Variants in GABRA2 observed in about 807,000 individuals in gnomAD.
The protein encoded by GABRA2 is gamma-aminobutyric acid type A receptor subunit alpha2, also known as gamma-aminobutyric acid receptor subunit alpha-2.
A neutral mutation model predicts 48.7 loss-of-function variants in GABRA2; 16 were observed. That is an observed-to-expected ratio of 0.33 (90% CI 0.22 to 0.50). The LOEUF (loss-of-function observed/expected upper bound fraction) is 0.50. GABRA2 is among the 20% of genes least tolerant of loss of function. The probability of loss-of-function intolerance (pLI) is 0.98; values close to 1 mark genes in which losing one functional copy is unlikely to be tolerated. For synonymous variants in GABRA2, 185 were observed against 184.5 expected, an observed-to-expected ratio of 1.00 and a Z score of -0.02; for missense variants, 275 against 535.6, an observed-to-expected ratio of 0.51 and a Z score of 4.80.
At chr4:46,372,170 C>A (rs1242101833) in intron 3 of GABRA2, among the ~76,000 whole-genome samples, 2 of 152,150 alleles carry the variant, frequency 1.3e-5, no homozygotes, top group African/African-American at 4.8e-5. Context: ...ACAGACATTG[C>A]CAGTAGCTTA....
At position 46,368,900 on chromosome 4, in the gene GABRA2, C is replaced by T. The variant is rs1350853321; in HGVS notation, c.187+17174G>A. The T allele has an allele frequency of 4.7e-6, 3 of 644,028 alleles. No homozygotes were observed. In the African/African-American group the frequency reaches 5.4e-5, roughly 12 times the overall value. 39.9% of individuals were successfully genotyped at this position (644,028 alleles called of 1,614,324 possible). A position where few individuals can be genotyped will look rare whatever the true frequency, so the allele number is the denominator to read the frequency against. ...CAGTTCTTCAATCTCCATTATGCTC[C>T]ACTCATTCCTTTATTTGTTCTGCCC... On this transcript the variant is annotated intron_variant, in intron 3 of 9. Transcript: ENST00000381620.
chr4:46,258,282 G>A (rs1477427539), intron 9 of GABRA2, among the ~76,000 whole-genome samples: 2 of 151,824 alleles, frequency 1.3e-5, no homozygotes, highest in African/African-American at 4.8e-5. Flanking sequence ...GTCATGATCA[G>A]TGAAAGAGTT....
At position 46,300,515 on chromosome 4, in the gene GABRA2, A is replaced by G. The variant is rs116375743; in HGVS notation, c.856+2945T>C. Among the ~76,000 whole-genome samples, 320 of 152,042 alleles carry G rather than the reference A, an allele frequency of 2.1e-3. 2 individuals are homozygous for G. Among genetic ancestry groups the G allele is most frequent in the African/African-American group, 7.5e-3 (312 of 41,536 alleles). The stretch of plus-strand genomic sequence containing the variant: ...AAGTTCTAGACTTATAAGTTCTATC[A>G]TCTTGTCACTTACGATTGTCATATT... On this transcript the variant is annotated intron_variant, in intron 8 of 9. Transcript: ENST00000381620.
At chr4:46,389,536 A>AT (rs750896979) in intron 1 of GABRA2, 199 bp downstream of exon 1, 1 of 485,032 alleles carries the variant, frequency 2.1e-6, no homozygotes. Flanking sequence ...CCTGGATTTT[A>AT]TTGTAGTTGC....
At chr4:46,308,814 G>A (rs1188177245) in intron 6 of GABRA2, among the ~76,000 whole-genome samples, 1 of 151,486 alleles carries the variant, frequency 6.6e-6, no homozygotes, top group African/African-American at 2.4e-5. Context: ...TTTCAGAATC[G>A]AGACATCCAT....
intron 3 of GABRA2, among the ~76,000 whole-genome samples, chr4:46,385,853 C>T (rs1220460216): frequency 6.6e-6 from 1 of 151,976 alleles, no homozygotes; most frequent in African/African-American, 2.4e-5. Context: ...AGTCTGGGCT[C>T]CATATGACTT....
intron 8 of GABRA2, among the ~76,000 whole-genome samples, chr4:46,277,538 C>T (rs1300301037): frequency 6.6e-6 from 1 of 152,114 alleles, no homozygotes; most frequent in Non-Finnish European, 1.5e-5. Context: ...CAATTAAAAC[C>T]GTCTATATCT....
At chr4:46,388,790 A>G in intron 1 of GABRA2, 74 bp from the exon 2 acceptor site, 1 of 1,602,774 alleles carries the variant, frequency 6.2e-7, no homozygotes, top group Non-Finnish European at 8.5e-7. Context: ...AGTAACCCCA[A>G]AGAATATCCT....
chr4:46,333,492 G>T (rs1731715998), intron 3 of GABRA2, among the ~76,000 whole-genome samples: 1 of 152,010 alleles, frequency 6.6e-6, no homozygotes, highest in Non-Finnish European at 1.5e-5. Flanking sequence ...TTATCATCAT[G>T]AGCTAAATGT....
intron 9 of GABRA2, among the ~76,000 whole-genome samples, chr4:46,257,803 G>A (rs1157841644): frequency 6.6e-6 from 1 of 151,558 alleles, no homozygotes; most frequent in Non-Finnish European, 1.5e-5. Context: ...ATGAGAGATG[G>A]TGAAAATATG....
chr4:46,250,000 G>A lies in GABRA2; in HGVS notation c.*308C>T, dbSNP rs1172094976. On this transcript the variant is annotated 3_prime_UTR_variant, in exon 10 of 10. Coordinates refer to ENST00000381620, the MANE Select transcript of GABRA2 (RefSeq NM_000807.4). ...AAAAGGGTCCACAAAGGGTTGTACA[G>A]GATCCCCATTTTCATCTCATTTGGA... 3.8e-6 allele frequency: 1 copy of A among 260,878 alleles called. No individual in the cohort carries two copies. Among genetic ancestry groups the A allele is most frequent in the Non-Finnish European group, 7.3e-6 (1 of 136,318 alleles). 16.2% of individuals were successfully genotyped at this position (260,878 alleles called of 1,614,324 possible). A position where few individuals can be genotyped will look rare whatever the true frequency, so the allele number is the denominator to read the frequency against.
intron 4 of GABRA2, among the ~76,000 whole-genome samples, chr4:46,317,143 A>C (rs1728684714): frequency 6.6e-6 from 1 of 151,924 alleles, no homozygotes; most frequent in South Asian, 2.1e-4. Flanking sequence ...AAAAGATGTT[A>C]GTGAATGAAT....
chr4:46,384,948 A>G (rs987210159), intron 3 of GABRA2, among the ~76,000 whole-genome samples: 1 of 151,910 alleles, frequency 6.6e-6, no homozygotes, highest in African/African-American at 2.4e-5. Context: ...TGTCTCTCTT[A>G]AAATGTAAGA....
intron 9 of GABRA2, chr4:46,261,694 A>G (rs1717011831): frequency 1.7e-6 from 1 of 597,388 alleles, no homozygotes; most frequent in South Asian, 2.1e-5. Context: ...CACTTAGCAC[A>G]GTGCCTGACA....
intron 8 of GABRA2, among the ~76,000 whole-genome samples, chr4:46,269,349 A>G (rs1718853839): frequency 6.6e-6 from 1 of 151,854 alleles, no homozygotes; most frequent in East Asian, 1.9e-4. Context: ...AAGAAAGTAT[A>G]GAGATAAGTG....
At chr4:46,299,499 G>A (rs1161230850) in intron 8 of GABRA2, among the ~76,000 whole-genome samples, 1 of 151,620 alleles carries the variant, frequency 6.6e-6, no homozygotes, top group Non-Finnish European at 1.5e-5. Flanking sequence ...TTTATAGTTA[G>A]TGGCATAGTC....
At chr4:46,379,203 C>T (rs1239343328) in intron 3 of GABRA2, among the ~76,000 whole-genome samples, 1 of 152,114 alleles carries the variant, frequency 6.6e-6, no homozygotes, top group Non-Finnish European at 1.5e-5. Flanking sequence ...CTAACATTAC[C>T]GTGTTTCTAG....
chr4:46,245,776 T>G lies in GABRA2; in HGVS notation c.*4532A>C, dbSNP rs1713609803. Among the ~76,000 whole-genome samples, 1 of 151,250 alleles carries G rather than the reference T, an allele frequency of 6.6e-6. No individual in the cohort carries two copies. The highest frequency in any genetic ancestry group is 1.5e-5 in the Non-Finnish European group (1 of 67,442). On this transcript the variant is annotated 3_prime_UTR_variant, in exon 10 of 10. Coordinates refer to ENST00000381620, the MANE Select transcript of GABRA2 (RefSeq NM_000807.4). The stretch of plus-strand genomic sequence containing the variant: ...ATTAAAAGATCTTTGGGAACATTAC[T>G]GTAAGCTGAAACATAAACCTGTAAA...
intron 8 of GABRA2, among the ~76,000 whole-genome samples, chr4:46,299,640 G>A (rs538259827): frequency 1.5e-4 from 23 of 150,342 alleles, no homozygotes; most frequent in African/African-American, 2.4e-4. Context: ...TCTGCTTTGC[G>A]TTGCTTATTA....
Sources: gnomAD v4.1 joint callset for allele counts (sites outside exome capture counted in the v4.1 genomes callset) on GRCh38, gnomAD v4.1.1 for gene constraint, MANE v1.5 for transcripts, NCBI Gene and HGNC (gene_info 2026-07-23, HGNC 2026-07-21) for gene names.